MCF2L: variants seen among roughly 807,000 people sequenced by gnomAD.
MCF2L encodes the protein guanine nucleotide exchange factor DBS.
A neutral mutation model predicts 153.4 loss-of-function variants in MCF2L; 97 were observed. The observed-to-expected ratio is 0.63, with a 90% CI of 0.54 to 0.75. The LOEUF (loss-of-function observed/expected upper bound fraction) is 0.75. Among genes scored for constraint, MCF2L ranks in the 30% least tolerant of loss-of-function variants. The probability of loss-of-function intolerance (pLI) is 0.00; values close to 1 mark genes in which losing one functional copy is unlikely to be tolerated. For synonymous variants in MCF2L, 659 were observed against 632.2 expected (o/e 1.04, Z -0.64); for missense variants, 1,347 against 1,495.2 (o/e 0.90, Z 1.64).
chr13:112,968,390 G>C, upstream of MCF2L: 3 of 1,531,784 alleles, frequency 2.0e-6, no homozygotes, highest in Non-Finnish European at 2.6e-6. Flanking sequence ...GCCCTGCATA[G>C]ACACGAGCTG....
chr13:112,917,238 G>A (rs1054512990), intron 2 of MCF2L: 9 of 464,962 alleles, frequency 1.9e-5, no homozygotes, highest in African/African-American at 1.0e-4. Flanking sequence ...GCCTCCACCC[G>A]CATCCTACAG....
At chr13:112,962,296 C>G (rs1448810835) in intron 2 of MCF2L, among the ~76,000 whole-genome samples, 1 of 152,060 alleles carries the variant, frequency 6.6e-6, no homozygotes, top group African/African-American at 2.4e-5. Flanking sequence ...CACGCATGTA[C>G]ACACACTCAG....
At chr13:113,008,162 C>A (rs1039691032) in intron 1 of MCF2L, among the ~76,000 whole-genome samples, 2 of 152,196 alleles carry the variant, frequency 1.3e-5, no homozygotes, top group African/African-American at 4.8e-5. Flanking sequence ...AGTGATTTGT[C>A]CACCTTGGCC....
At chr13:113,093,415 A>C (rs1007618967) in intron 26 of MCF2L, among the ~76,000 whole-genome samples, 1 of 152,278 alleles carries the variant, frequency 6.6e-6, no homozygotes, top group Non-Finnish European at 1.5e-5. Flanking sequence ...AGTGGTGCCC[A>C]GGCCCAGCTC....
intron 1 of MCF2L, among the ~76,000 whole-genome samples, chr13:113,007,678 G>A (rs190399749): frequency 2.6e-5 from 4 of 152,188 alleles, no homozygotes; most frequent in African/African-American, 4.8e-5. Context: ...AACGCGGTTC[G>A]GCGGCCTCAG....
rs2141933527 is a variant in MCF2L at position 113,076,168 on chromosome 13, C to G, written c.1500+11C>G. 1.2e-6 allele frequency: 2 copies of G among 1,601,602 alleles called. No homozygotes were observed. The highest frequency in any genetic ancestry group is 1.7e-6 in the Non-Finnish European group (2 of 1,171,986). ...AACCAAGATCTCATGGTAACGCTGA[C>G]TCGGGCTCTCCATTTGCAGCTTGCT... On this transcript the variant is annotated intron_variant, in intron 12 of 29. Coordinates refer to ENST00000535094, the MANE Select transcript of MCF2L (RefSeq NM_001112732.3).
chr13:113,002,818 T>C (rs2141062933), intron 1 of MCF2L, among the ~76,000 whole-genome samples: 1 of 152,340 alleles, frequency 6.6e-6, no homozygotes, highest in African/African-American at 2.4e-5. Flanking sequence ...TGAATTTTAG[T>C]GAATCAGACC....
chr13:113,026,957 C>T, intron 3 of MCF2L: 2 of 778,064 alleles, frequency 2.6e-6, no homozygotes, highest in Non-Finnish European at 4.8e-6. Flanking sequence ...TGTGCTCGTC[C>T]CAGCCTCCAG....
intron 1 of MCF2L, chr13:112,979,854 C>A: frequency 8.5e-7 from 1 of 1,173,788 alleles, no homozygotes; most frequent in Non-Finnish European, 1.2e-6. Context: ...GGGTATTTCT[C>A]TCACCACTTG....
Position 113,064,675 on chromosome 13 carries a change from A to G in MCF2L, c.606+255A>G, listed in dbSNP as rs973662508. ...AAAAACCCTTGCGTTGTGGTTTGCA[A>G]CACTCACTGCTCTCAACGGGGAGAG... On this transcript the variant is annotated intron_variant, in intron 6 of 29. Coordinates refer to ENST00000535094, the MANE Select transcript of MCF2L (RefSeq NM_001112732.3). The surrounding 1 kb of genome is among the most constrained non-coding windows in gnomAD (Gnocchi z 6.0). 84 of 597,902 alleles carry G rather than the reference A, an allele frequency of 1.4e-4. No individual in the cohort carries two copies. The highest frequency in any genetic ancestry group is 2.6e-4 in the African/African-American group (14 of 53,672). The allele number at this position is 597,902 out of a possible 1,614,324, so 37.0% of individuals were successfully genotyped here. A position where few individuals can be genotyped will look rare whatever the true frequency, so the allele number is the denominator to read the frequency against.
At chr13:113,096,692 C>G (rs1385272072) in intron 29 of MCF2L, 39 bp downstream of exon 29, 1 of 1,560,018 alleles carries the variant, frequency 6.4e-7, no homozygotes, top group African/African-American at 1.4e-5. Flanking sequence ...GTGACGCTGC[C>G]AAGGGCCCGG....
chr13:112,947,219 G>A (rs1438735228), intron 2 of MCF2L, among the ~76,000 whole-genome samples: 1 of 152,158 alleles, frequency 6.6e-6, no homozygotes, highest in Non-Finnish European at 1.5e-5. Context: ...CACAGCATTG[G>A]CTATTAGGTT....
chr13:112,973,139 C>T (rs981792117), intron 1 of MCF2L, among the ~76,000 whole-genome samples: 2 of 152,130 alleles, frequency 1.3e-5, no homozygotes, highest in African/African-American at 2.4e-5. Context: ...CAAAATGCCA[C>T]CTGCTTATTA....
Position 113,062,543 on chromosome 13 carries a change from C to T in MCF2L, c.490-1761C>T, listed in dbSNP as rs942332861. On this transcript the variant is annotated intron_variant, in intron 5 of 29. Coordinates refer to ENST00000535094, the MANE Select transcript of MCF2L (RefSeq NM_001112732.3). ...TCACGGGTCATCCATGCCACAGGCT[C>T]CCCTGCACAACGGCTCCACAGCAAG... Among the ~76,000 whole-genome samples, 21 of 152,030 alleles carry T rather than the reference C, an allele frequency of 1.4e-4. 1 individual carries two copies. Among genetic ancestry groups the T allele is most frequent in the Admixed American group, 5.2e-4 (8 of 15,260 alleles).
chr13:113,070,313 G>A lies in MCF2L; in HGVS notation c.996+140G>A. 1 of 515,756 alleles carries A rather than the reference G, an allele frequency of 1.9e-6. No individual in the cohort carries two copies. Among genetic ancestry groups the A allele is most frequent in the Non-Finnish European group, 3.3e-6 (1 of 299,442 alleles). 31.9% of individuals were successfully genotyped at this position (515,756 alleles called of 1,614,324 possible). A position where few individuals can be genotyped will look rare whatever the true frequency, so the allele number is the denominator to read the frequency against. On this transcript the variant is annotated intron_variant, in intron 9 of 29. Coordinates refer to ENST00000535094, the MANE Select transcript of MCF2L (RefSeq NM_001112732.3). The surrounding 1 kb of genome is among the most constrained non-coding windows in gnomAD (Gnocchi z 5.6). ...AATGCAGAAAAGTCTCCGCTTGCCA[G>A]GTGGAGCCTGTGAGATTAAGTCAGG...
rs943937850 is a variant in MCF2L, at chr13:113,031,401, C to T, written c.278+6643C>T. 3.9e-5 allele frequency among the ~76,000 whole-genome samples: 6 copies of T among 152,156 alleles called. No individual in the cohort carries two copies. The highest frequency in any genetic ancestry group is 2.1e-4 in the South Asian group (1 of 4,832). The stretch of plus-strand genomic sequence containing the variant: ...CACAGAGATCCCAGGAGGGCGCCAG[C>T]GGCATCTTTGGGGGCAGCGAACGCA... On this transcript the variant is annotated intron_variant, in intron 3 of 29. Coordinates refer to ENST00000535094, the MANE Select transcript of MCF2L (RefSeq NM_001112732.3). The surrounding 1 kb of genome is among the most constrained non-coding windows in gnomAD (Gnocchi z 5.5).
chr13:113,033,815 G>T (rs988320338), intron 3 of MCF2L: 1 of 166,976 alleles, frequency 6.0e-6, no homozygotes, highest in African/African-American at 2.4e-5. Context: ...CCAGGTGTCT[G>T]TGCGCTGTGC....
At chr13:112,946,650 T>G (rs1323354864) in intron 2 of MCF2L, among the ~76,000 whole-genome samples, 1 of 152,234 alleles carries the variant, frequency 6.6e-6, no homozygotes, top group Non-Finnish European at 1.5e-5. Context: ...CTAACACTCC[T>G]TGTTGTCTTA....
At chr13:112,937,583 G>T (rs528187231) in intron 2 of MCF2L, among the ~76,000 whole-genome samples, 60 of 152,334 alleles carry the variant, frequency 3.9e-4, no homozygotes, top group Middle Eastern at 3.4e-3. Context: ...AGAACTCAGG[G>T]AGGGTTTGGG....
Sources: gnomAD v4.1 joint callset for allele counts (sites outside exome capture counted in the v4.1 genomes callset) on GRCh38, gnomAD v4.1.1 for gene constraint, Gnocchi (gnomAD v3.1) non-coding constraint, MANE v1.5 for transcripts, NCBI Gene and HGNC (gene_info 2026-07-23, HGNC 2026-07-21) for gene names.